DNAI7: variants seen among roughly 807,000 people sequenced by gnomAD.
DNAI7 encodes the protein cancer susceptibility 1.
A neutral mutation model predicts 86.6 loss-of-function variants in DNAI7; 78 were observed. The ratio of observed to expected loss-of-function variants is 0.90; its 90% CI spans 0.75 to 1.09. The LOEUF is 1.09. Ranked by LOEUF, DNAI7 falls within the 50% of genes least tolerant of loss-of-function variation. The pLI, the probability that DNAI7 is intolerant of heterozygous loss-of-function variation, is 0.00. For missense variants in DNAI7, 753 were observed against 810.2 expected (o/e 0.93, Z 0.86); for synonymous variants, 274 against 273.0 (o/e 1.00, Z -0.04).
chr12:25,157,576 A>T (rs1367776188), intron 4 of DNAI7, among the ~76,000 whole-genome samples: 2 of 152,162 alleles, frequency 1.3e-5, no homozygotes, highest in Non-Finnish European at 2.9e-5. Flanking sequence ...GTATTTACTT[A>T]TGTTTAATAA....
At chr12:25,112,039 T>A in intron 13 of DNAI7, 100 bp from the exon 14 acceptor site, 1 of 672,582 alleles carries the variant, frequency 1.5e-6, no homozygotes, top group Non-Finnish European at 2.4e-6. Context: ...TTTTTAAAAG[T>A]CATCTATCAC....
chr12:25,158,102 A>G (rs1485396794), intron 4 of DNAI7, among the ~76,000 whole-genome samples: 2 of 152,026 alleles, frequency 1.3e-5, no homozygotes, highest in East Asian at 1.9e-4. Flanking sequence ...GGTGGCAGGC[A>G]CCTGTAGTCC....
At chr12:25,126,332 A>G (rs1403330782) in intron 9 of DNAI7, among the ~76,000 whole-genome samples, 1 of 152,156 alleles carries the variant, frequency 6.6e-6, no homozygotes, top group Non-Finnish European at 1.5e-5. Flanking sequence ...AAAGGCCTTC[A>G]GTAGGAACCT....
chr12:25,117,055 T>C (rs1380016381), intron 12 of DNAI7, among the ~76,000 whole-genome samples: 5 of 151,998 alleles, frequency 3.3e-5, no homozygotes, highest in Admixed American at 3.3e-4. Context: ...CACCTCAGCT[T>C]CTGGGGTAGC....
intron 10 of DNAI7, among the ~76,000 whole-genome samples, chr12:25,122,674 G>A (rs1259989171): frequency 6.6e-6 from 1 of 152,114 alleles, no homozygotes; most frequent in Non-Finnish European, 1.5e-5. Flanking sequence ...ATATCCAACT[G>A]CTATTTGCCA....
At chr12:25,185,629 T>C (rs1253901197) in intron 2 of DNAI7, 1 of 224,450 alleles carries the variant, frequency 4.5e-6, no homozygotes, top group Non-Finnish European at 7.4e-6. Context: ...ATAAGCCAGA[T>C]GTAAATTGAT....
At chr12:25,173,888 T>C (rs1948429708) in intron 2 of DNAI7, among the ~76,000 whole-genome samples, 1 of 144,762 alleles carries the variant, frequency 6.9e-6, no homozygotes, top group Non-Finnish European at 1.5e-5. Context: ...TACACATCAT[T>C]CATATATATA....
intron 2 of DNAI7, among the ~76,000 whole-genome samples, chr12:25,182,638 A>ACACAC (rs1555184974): frequency 2.7e-5 from 4 of 150,702 alleles, no homozygotes; most frequent in Non-Finnish European, 5.9e-5. Flanking sequence ...ACACACACAC[A>ACACAC]AGCCAGATGT....
intron 8 of DNAI7, among the ~76,000 whole-genome samples, chr12:25,145,310 C>T (rs1033848897): frequency 1.3e-5 from 2 of 152,142 alleles, no homozygotes; most frequent in African/African-American, 4.8e-5. Context: ...CTTGTAAGTA[C>T]TTCAAACTCA....
In DNAI7 at chr12:25,133,271, G is replaced by A. The variant is rs979530714; in HGVS notation, c.1003-9985C>T. Reference sequence around the variant, plus strand: ...ACTCATCCTGTCCATTCTCGACTTCGAGTTTCTTTTATATAGATATTACAC... The same window carrying A: ...ACTCATCCTGTCCATTCTCGACTTCAAGTTTCTTTTATATAGATATTACAC... On this transcript the variant is annotated intron_variant, in intron 9 of 15. Transcript: ENST00000395987. 4.0e-5 allele frequency among the ~76,000 whole-genome samples: 6 copies of A among 151,666 alleles called. No homozygotes were observed. The East Asian group carries it at 5.8e-4, about 15-fold the overall frequency.
At chr12:25,174,372 T>TATATATATGATATATATATTGGATATA (rs1491148819) in intron 2 of DNAI7, among the ~76,000 whole-genome samples, 1 of 6,056 alleles carries the variant, frequency 1.7e-4, no homozygotes, top group East Asian at 5.2e-3. Flanking sequence ...CATATATATG[T>TATATATATGATATATATATTGGATATA]TATATCATAT....
intron 2 of DNAI7, among the ~76,000 whole-genome samples, chr12:25,183,177 C>T (rs1430154225): frequency 1.3e-5 from 2 of 150,458 alleles, no homozygotes; most frequent in Admixed American, 1.3e-4. Context: ...CTTATAAGTA[C>T]AATGGGTACA....
At chr12:25,186,413 C>G (rs1950039701) in intron 2 of DNAI7, among the ~76,000 whole-genome samples, 1 of 151,988 alleles carries the variant, frequency 6.6e-6, no homozygotes. Context: ...AATGATAGTA[C>G]CAAAAAAATC....
At position 25,158,786 on chromosome 12, in the gene DNAI7, G is replaced by A. The variant is rs1190327870; in HGVS notation, c.107-223C>T. 4 of 828,612 alleles carry A rather than the reference G, an allele frequency of 4.8e-6. 1 individual carries two copies. The highest frequency in any genetic ancestry group is 6.9e-6 in the Non-Finnish European group (4 of 581,732). The allele number at this position is 828,612 out of a possible 1,614,324, so 51.3% of individuals were successfully genotyped here. ...CCATCAAAAAGTGGGCAAAGGATATGAACAGACACTTCTCAAAAGAAGACA... is the reference window on the plus strand; with the variant it reads ...CCATCAAAAAGTGGGCAAAGGATATAAACAGACACTTCTCAAAAGAAGACA... On this transcript the variant is annotated intron_variant, in intron 3 of 15. Transcript: ENST00000395987.
intron 3 of DNAI7, among the ~76,000 whole-genome samples, chr12:25,159,594 G>A (rs1946608088): frequency 6.6e-6 from 1 of 152,152 alleles, no homozygotes; most frequent in African/African-American, 2.4e-5. Context: ...TGGCAATGAA[G>A]AGGAAGTCAA....
At chr12:25,184,300 C>A (rs1242687942) in intron 2 of DNAI7, among the ~76,000 whole-genome samples, 1 of 152,150 alleles carries the variant, frequency 6.6e-6, no homozygotes, top group Non-Finnish European at 1.5e-5. Context: ...ATACCTAGCT[C>A]ATGGAAACTA....
intron 2 of DNAI7, among the ~76,000 whole-genome samples, chr12:25,165,063 A>C (rs1947303552): frequency 6.6e-6 from 1 of 152,172 alleles, no homozygotes; most frequent in South Asian, 2.1e-4. Flanking sequence ...AACGCAGCCC[A>C]GTTCATGGCT....
chr12:25,111,361 A>G (rs1303697239), intron 14 of DNAI7, among the ~76,000 whole-genome samples: 2 of 152,222 alleles, frequency 1.3e-5, no homozygotes, highest in African/African-American at 4.8e-5. Flanking sequence ...AGGCTTTGCC[A>G]AGAAACTAAA....
intron 9 of DNAI7, among the ~76,000 whole-genome samples, chr12:25,124,232 C>T (rs1941759379): frequency 6.6e-6 from 1 of 152,112 alleles, no homozygotes; most frequent in South Asian, 2.1e-4. Flanking sequence ...CCTTAGTAGA[C>T]TAGCCTTTCC....
Sources: gnomAD v4.1 joint callset for allele counts (sites outside exome capture counted in the v4.1 genomes callset) on GRCh38, gnomAD v4.1.1 for gene constraint, MANE v1.5 for transcripts, NCBI Gene and HGNC (gene_info 2026-07-23, HGNC 2026-07-21) for gene names.